The following FRMD4A variants were observed in gnomAD, a reference collection of about 807,000 sequenced individuals.
The protein encoded by FRMD4A is FERM domain-containing protein 4A.
A neutral mutation model predicts 129.1 loss-of-function variants in FRMD4A; 29 were observed. The observed-to-expected ratio is 0.22, with a 90% CI of 0.17 to 0.31. The LOEUF (loss-of-function observed/expected upper bound fraction) is 0.31. Among genes scored for constraint, FRMD4A ranks in the 10% least tolerant of loss-of-function variants. The probability of loss-of-function intolerance (pLI) is 1.00; values close to 1 mark genes in which losing one functional copy is unlikely to be tolerated. For synonymous variants in FRMD4A, 634 were observed against 571.6 expected, an observed-to-expected ratio of 1.11 and a Z score of -1.56; for missense variants, 1,272 against 1,375.8, an observed-to-expected ratio of 0.92 and a Z score of 1.19.
intron 2 of FRMD4A, among the ~76,000 whole-genome samples, chr10:14,285,953 G>A (rs1392471809): frequency 3.9e-5 from 6 of 152,166 alleles, no homozygotes; most frequent in Non-Finnish European, 7.3e-5. Flanking sequence ...AGTCAAAAAC[G>A]CAAGATGGCG....
intron 2 of FRMD4A, among the ~76,000 whole-genome samples, chr10:14,240,552 T>G (rs1228292781): frequency 6.6e-6 from 1 of 152,214 alleles, no homozygotes; most frequent in African/African-American, 2.4e-5. Context: ...GGTCTCCTGA[T>G]GGAGGTTCAA....
At chr10:13,675,080 C>A (rs1564580186) in intron 15 of FRMD4A, 36 bp from the exon 16 acceptor site, 2 of 1,591,948 alleles carry the variant, frequency 1.3e-6, no homozygotes, top group East Asian at 2.2e-5. Flanking sequence ...GGCCAGCTGA[C>A]AGGGGACACA....
At chr10:14,153,436 C>A (rs1840440687) in intron 2 of FRMD4A, among the ~76,000 whole-genome samples, 1 of 152,072 alleles carries the variant, frequency 6.6e-6, no homozygotes, top group Admixed American at 6.5e-5. Flanking sequence ...TCATTCTTTT[C>A]TGACTACACA....
chr10:14,184,075 C>T (rs1203204611), intron 2 of FRMD4A, among the ~76,000 whole-genome samples: 4 of 151,688 alleles, frequency 2.6e-5, no homozygotes, highest in African/African-American at 9.7e-5. Context: ...AAGTAGATCA[C>T]CAAGCGCTTA....
At chr10:14,233,632 T>C (rs767566733) in intron 2 of FRMD4A, among the ~76,000 whole-genome samples, 1 of 152,178 alleles carries the variant, frequency 6.6e-6, no homozygotes, top group Non-Finnish European at 1.5e-5. Context: ...TAGTATAGGA[T>C]GTAAGACCTT....
intron 2 of FRMD4A, among the ~76,000 whole-genome samples, chr10:14,258,727 GTTGTT>G (rs911661930): frequency 2.5e-4 from 38 of 152,274 alleles, no homozygotes; most frequent in Admixed American, 2.2e-3. Flanking sequence ...AACGTTCATA[GTTGTT>G]TTATTTGTGA....
chr10:13,711,405 C>T (rs1442644732), intron 12 of FRMD4A, among the ~76,000 whole-genome samples: 1 of 152,236 alleles, frequency 6.6e-6, no homozygotes, highest in Non-Finnish European at 1.5e-5. Flanking sequence ...TTCGGGGCAG[C>T]CCCGATGGTC....
chr10:14,023,624 G>A (rs1832861106), intron 2 of FRMD4A, among the ~76,000 whole-genome samples: 1 of 152,204 alleles, frequency 6.6e-6, no homozygotes, highest in Non-Finnish European at 1.5e-5. Flanking sequence ...AGAACGAACA[G>A]ACCCGTGGCC....
At chr10:14,244,296 C>T (rs911378647) in intron 2 of FRMD4A, among the ~76,000 whole-genome samples, 7 of 152,214 alleles carry the variant, frequency 4.6e-5, no homozygotes, top group African/African-American at 1.4e-4. Context: ...CCCTTCCAGG[C>T]GCCAGAATGC....
chr10:14,058,287 C>T (rs1395888246), intron 2 of FRMD4A, among the ~76,000 whole-genome samples: 1 of 152,124 alleles, frequency 6.6e-6, no homozygotes, highest in Admixed American at 6.5e-5. Flanking sequence ...AGTTACACAC[C>T]TATTGCTTTT....
chr10:14,084,496 T>C (rs552091114), intron 2 of FRMD4A, among the ~76,000 whole-genome samples: 2 of 152,210 alleles, frequency 1.3e-5, no homozygotes, highest in Non-Finnish European at 1.5e-5. Flanking sequence ...ATTTTAAATT[T>C]TCTATGTTAT....
At chr10:13,967,482 A>G (rs2095492652) in intron 2 of FRMD4A, among the ~76,000 whole-genome samples, 1 of 152,246 alleles carries the variant, frequency 6.6e-6, no homozygotes, top group Non-Finnish European at 1.5e-5. Context: ...CCACCGGTGC[A>G]GAACTTACTC....
chr10:14,218,286 G>A (rs913536223), intron 2 of FRMD4A, among the ~76,000 whole-genome samples: 1 of 152,196 alleles, frequency 6.6e-6, no homozygotes, highest in Non-Finnish European at 1.5e-5. Context: ...CACACCAGCA[G>A]AGAAGGTAAC....
chr10:13,750,065 GAAGGAAGA>G lies in FRMD4A; in HGVS notation c.465-2254_465-2247del, dbSNP rs1255233544. ...AAAGGAAAGGAAGGAAGGAAGGAAG[GAAGGAAGA>G]AAGAAAGAAAGAAAGAAAGAAAGAA... On this transcript the variant is annotated intron_variant, in intron 8 of 24. Transcript: ENST00000357447. Among the ~76,000 whole-genome samples, 130 of 75,938 alleles carry G rather than the reference GAAGGAAGA, an allele frequency of 1.7e-3. 1 individual carries two copies. Among genetic ancestry groups the G allele is most frequent in the African/African-American group, 4.8e-3 (127 of 26,708 alleles). 49.8% of individuals were successfully genotyped at this position (75,938 alleles called of 152,430 possible).
At chr10:14,208,086 A>G (rs1436758574) in intron 2 of FRMD4A, among the ~76,000 whole-genome samples, 1 of 152,044 alleles carries the variant, frequency 6.6e-6, no homozygotes, top group Admixed American at 6.5e-5. Context: ...TCTCCCGGCT[A>G]CTTGAGAGGC....
chr10:13,660,444 T>C lies in FRMD4A; in HGVS notation c.1770A>G (p.Gly590=), dbSNP rs2082547719. ...NRPPPPQSLE[G]LRQMHYHRND... ...TGCGGTGATAGTGCATCTGTCGGAG[T>C]CCCTCCAGGGACTGGGGAGGAGGAG... Residue 590 remains glycine, a synonymous_variant, in exon 20 of 25, where the codon GGA becomes GGG. Transcript: ENST00000357447. The C allele has an allele frequency of 3.1e-6, 5 of 1,613,512 alleles. No homozygotes were observed. Among genetic ancestry groups the C allele is most frequent in the Non-Finnish European group, 4.2e-6 (5 of 1,179,752 alleles).
At chr10:13,835,152 G>A (rs7898868) in intron 3 of FRMD4A, among the ~76,000 whole-genome samples, 80,395 of 152,034 alleles carry the variant, frequency 0.53, 21,677 homozygotes, top group South Asian at 0.7. Flanking sequence ...GGGCTTTGAT[G>A]GCCGCCGAAC....
chr10:14,081,854 A>G (rs1326472450), intron 2 of FRMD4A, among the ~76,000 whole-genome samples: 1 of 152,340 alleles, frequency 6.6e-6, no homozygotes, highest in Middle Eastern at 3.4e-3. Flanking sequence ...CAAAGACCAT[A>G]GGCCTACACT....
intron 2 of FRMD4A, chr10:13,891,588 C>G: frequency 1.0e-6 from 1 of 985,280 alleles, no homozygotes; most frequent in Non-Finnish European, 1.2e-6. Context: ...TCAGTCGCCT[C>G]CCTGCCACCG....
Sources: gnomAD v4.1 joint callset for allele counts (sites outside exome capture counted in the v4.1 genomes callset) on GRCh38, gnomAD v4.1.1 for gene constraint, MANE v1.5 for transcripts, NCBI Gene and HGNC (gene_info 2026-07-23, HGNC 2026-07-21) for gene names.